Variants in FBXL4 observed in about 807,000 individuals in gnomAD.
The protein encoded by FBXL4 is F-box/LRR-repeat protein 4.
In FBXL4, 40 loss-of-function variants were observed where a neutral mutation model predicts 58.9. The ratio of observed to expected loss-of-function variants is 0.68; its 90% CI spans 0.53 to 0.88. The LOEUF (loss-of-function observed/expected upper bound fraction) is 0.88, where lower values mean the gene tolerates loss of function less well. Among genes scored for constraint, FBXL4 ranks in the 40% least tolerant of loss-of-function variants. FBXL4 has a pLI of 0.00. For synonymous variants in FBXL4, 263 were observed against 265.5 expected, an observed-to-expected ratio of 0.99 and a Z score of 0.09; for missense variants, 676 against 734.4, an observed-to-expected ratio of 0.92 and a Z score of 0.92.
chr6:98,929,855 A>T (rs1327032117), intron 2 of FBXL4, among the ~76,000 whole-genome samples: 1 of 152,178 alleles, frequency 6.6e-6, no homozygotes, highest in Non-Finnish European at 1.5e-5. Flanking sequence ...GCATGACATC[A>T]ACTAAGGCAA....
rs542733389 is a variant in FBXL4, at chr6:98,911,972, A to T, written c.858+5402T>A. On this transcript the variant is annotated intron_variant, in intron 5 of 9. Coordinates refer to ENST00000369244, the MANE Select transcript of FBXL4 (RefSeq NM_001278716.2). ...ATAACTAGAATAACCAATACAGAGA[A>T]GTACTTAAAGGAGCTGATGGAGCTG... 7.9e-5 allele frequency among the ~76,000 whole-genome samples: 12 copies of T among 152,352 alleles called. No individual in the cohort carries two copies. In the East Asian group the frequency reaches 2.3e-3, roughly 29 times the overall value.
At chr6:98,884,067 G>A (rs1330649794) in intron 7 of FBXL4, among the ~76,000 whole-genome samples, 1 of 151,110 alleles carries the variant, frequency 6.6e-6, no homozygotes, top group Non-Finnish European at 1.5e-5. Context: ...TTGTCTTTTT[G>A]TTGAGAAATA....
intron 7 of FBXL4, among the ~76,000 whole-genome samples, chr6:98,892,448 C>T (rs1375045100): frequency 6.6e-6 from 1 of 152,174 alleles, no homozygotes; most frequent in African/African-American, 2.4e-5. Flanking sequence ...GCTGCAATGG[C>T]TCTTTTAAAA....
chr6:98,884,419 T>C (rs1770961421), intron 7 of FBXL4, among the ~76,000 whole-genome samples: 1 of 152,104 alleles, frequency 6.6e-6, no homozygotes, highest in Non-Finnish European at 1.5e-5. Flanking sequence ...TTAAAATAAA[T>C]TTTATTGTGC....
In FBXL4 at chr6:98,926,786, T is replaced by G. The variant is rs1190210207; in HGVS notation, c.203A>C (p.Glu68Ala). ...CCACATAGTATAGGACATACTATTC[T>G]CACTTCCATAATGGGAACTGAAATC... ...VVDFSSHYGS[E>A]NSMSYTMWNL... Residue 68 changes from glutamate to alanine, a missense_variant, in exon 4 of 10, where the codon GAG (glutamate) becomes GCG (alanine). Coordinates refer to ENST00000369244, the MANE Select transcript of FBXL4 (RefSeq NM_001278716.2). 6.2e-7 allele frequency: 1 copy of G among 1,614,190 alleles called. No homozygotes were observed. Among genetic ancestry groups the G allele is most frequent in the Non-Finnish European group, 8.5e-7 (1 of 1,180,004 alleles).
intron 4 of FBXL4, among the ~76,000 whole-genome samples, chr6:98,918,981 T>C (rs182337709): frequency 0.01 from 1,536 of 152,174 alleles, 21 homozygotes; most frequent in Non-Finnish European, 0.017. Flanking sequence ...TGTTCGTTTA[T>C]TTCCCTGGCC....
At chr6:98,886,079 A>C (rs1771029149) in intron 7 of FBXL4, among the ~76,000 whole-genome samples, 1 of 152,202 alleles carries the variant, frequency 6.6e-6, no homozygotes, top group African/African-American at 2.4e-5. Context: ...ACCTCCTTAG[A>C]GACCCTGAGC....
intron 3 of FBXL4, 83 bp from the exon 4 acceptor site, chr6:98,927,143 C>T (rs1772822381): frequency 3.2e-6 from 2 of 619,578 alleles, no homozygotes; most frequent in African/African-American, 1.8e-5. Context: ...CAGGCTCTAC[C>T]CTCAATGTAA....
chr6:98,903,532 G>A (rs968354722), intron 6 of FBXL4, among the ~76,000 whole-genome samples: 7 of 152,100 alleles, frequency 4.6e-5, no homozygotes, highest in African/African-American at 1.7e-4. Context: ...TACCCTGGGT[G>A]AATTGAAAAT....
intron 6 of FBXL4, among the ~76,000 whole-genome samples, chr6:98,903,693 G>T (rs1453619095): frequency 6.6e-6 from 1 of 152,064 alleles, no homozygotes; most frequent in African/African-American, 2.4e-5. Context: ...GCTGCATAAA[G>T]TTTTTAAAAT....
rs563997420 is a variant in FBXL4 at position 98,904,248 on chromosome 6, T to G, written c.1103+1178A>C. Among the ~76,000 whole-genome samples, 18 of 152,292 alleles carry G rather than the reference T, an allele frequency of 1.2e-4. No homozygotes were observed. In the South Asian group the frequency reaches 2.9e-3, roughly 25 times the overall value. Reference sequence around the variant, plus strand: ...TGGGGCAAAGGGAAGTAGAAAGGACTAAACTGTGTTTCACTGGACAGCTGC... The same window carrying G: ...TGGGGCAAAGGGAAGTAGAAAGGACGAAACTGTGTTTCACTGGACAGCTGC... On this transcript the variant is annotated intron_variant, in intron 6 of 9. Transcript: ENST00000369244.
intron 5 of FBXL4, 30 bp from the exon 6 acceptor site, chr6:98,905,700 A>C: frequency 6.2e-7 from 1 of 1,605,306 alleles, no homozygotes; most frequent in South Asian, 1.1e-5. Context: ...CAAGATCATC[A>C]AGAGTGAAAA....
At chr6:98,917,771 G>T in intron 4 of FBXL4, 52 bp from the exon 5 acceptor site, 2 of 1,365,602 alleles carry the variant, frequency 1.5e-6, no homozygotes, top group African/African-American at 1.5e-5. Flanking sequence ...AGATCTACTG[G>T]TCCCTTAAGG....
intron 9 of FBXL4, chr6:98,875,177 GT>G: frequency 3.9e-6 from 2 of 509,692 alleles, no homozygotes; most frequent in Non-Finnish European, 7.0e-6. Flanking sequence ...AATGGTTATA[GT>G]TTTTTACAGT....
intron 7 of FBXL4, among the ~76,000 whole-genome samples, chr6:98,897,809 C>A (rs1050180227): frequency 1.3e-5 from 2 of 152,156 alleles, no homozygotes; most frequent in African/African-American, 2.4e-5. Context: ...TCTTGGGAAC[C>A]AAACCATTCC....
intron 7 of FBXL4, among the ~76,000 whole-genome samples, chr6:98,883,300 A>G (rs189812011): frequency 1.3e-5 from 2 of 151,788 alleles, no homozygotes; most frequent in African/African-American, 4.8e-5. Flanking sequence ...TGACTTCTGG[A>G]ATTCTTTATT....
In FBXL4 at chr6:98,926,883, T is replaced by C; in HGVS notation, c.106A>G (p.Arg36Gly). The part of the protein sequence containing the change: ...ATRGEMMNTH[R>G]AIESNSQTSP... ...GTCTGGCTGTTTGATTCTATAGCTC[T>C]ATGGGTGTTCATCATTTCTCCTCTT... The change falls in exon 4 of 10, where the codon AGA becomes GGA. Residue 36 changes from arginine to glycine, a missense_variant. Transcript: ENST00000369244. 6.2e-7 allele frequency: 1 copy of C among 1,614,180 alleles called. No homozygotes were observed. Among genetic ancestry groups the C allele is most frequent in the East Asian group, 2.2e-5 (1 of 44,886 alleles).
At chr6:98,896,855 C>A (rs1047958315) in intron 7 of FBXL4, 59 of 985,066 alleles carry the variant, frequency 6.0e-5, no homozygotes, top group Non-Finnish European at 7.0e-5. Context: ...AATTTCCACT[C>A]TTCAGATATG....
chr6:98,945,586 C>T (rs1384083070), intron 1 of FBXL4, among the ~76,000 whole-genome samples: 1 of 152,038 alleles, frequency 6.6e-6, no homozygotes, highest in Non-Finnish European at 1.5e-5. Context: ...ATTTCATGGG[C>T]TAATAAAGTT....
Sources: gnomAD v4.1 joint callset for allele counts (sites outside exome capture counted in the v4.1 genomes callset) on GRCh38, gnomAD v4.1.1 for gene constraint, MANE v1.5 for transcripts, NCBI Gene and HGNC (gene_info 2026-07-23, HGNC 2026-07-21) for gene names.